Variants in TRIM2 observed in about 807,000 individuals in gnomAD.
The protein encoded by TRIM2 is tripartite motif-containing protein 2.
A neutral mutation model predicts 75.2 loss-of-function variants in TRIM2; 20 were observed. The observed-to-expected ratio is 0.27, with a 90% CI of 0.19 to 0.39. TRIM2 has a LOEUF of 0.39. Among genes scored for constraint, TRIM2 ranks in the 10% least tolerant of loss-of-function variants. The probability of loss-of-function intolerance (pLI) is 1.00; values close to 1 mark genes in which losing one functional copy is unlikely to be tolerated. For synonymous variants in TRIM2, 373 were observed against 388.3 expected, an observed-to-expected ratio of 0.96 and a Z score of 0.46; for missense variants, 660 against 990.8, an observed-to-expected ratio of 0.67 and a Z score of 4.48.
rs182531114 is a variant in TRIM2, at chr4:153,206,787, C to T, written c.30+2227C>T. Among the ~76,000 whole-genome samples, 241 of 152,314 alleles carry T rather than the reference C, an allele frequency of 1.6e-3. 1 individual carries two copies. The highest frequency in any genetic ancestry group is 7.7e-3 in the South Asian group (37 of 4,816). ...CTTGGTTCCCCTGGCAACCAGCCCC[C>T]TCCAGAGGCAATCTGGGAGCCCTCA... is the stretch of plus-strand genomic sequence containing the variant. On this transcript the variant is annotated intron_variant, in intron 1 of 11. Coordinates refer to ENST00000338700, the MANE Select transcript of TRIM2 (RefSeq NM_015271.5).
At chr4:153,300,102 C>T in intron 6 of TRIM2, among the ~76,000 whole-genome samples, 1 of 152,196 alleles carries the variant, frequency 6.6e-6, no homozygotes, top group African/African-American at 2.4e-5. Flanking sequence ...GATATATACC[C>T]AGTACTGGGA....
At position 153,244,349 on chromosome 4, in the gene TRIM2, T is replaced by C. The variant is rs866122839; in HGVS notation, c.31-25986T>C. Among the ~76,000 whole-genome samples, 83 of 30,464 alleles carry C rather than the reference T, an allele frequency of 2.7e-3. 6 individuals are homozygous for C. The highest frequency in any genetic ancestry group is 0.013 in the Middle Eastern group (1 of 76). 20.0% of individuals were successfully genotyped at this position (30,464 alleles called of 152,430 possible). On this transcript the variant is annotated intron_variant, in intron 1 of 11. Transcript: ENST00000338700. The stretch of plus-strand genomic sequence containing the variant: ...CTTCTTCTTCTTCTTCTTCTTCTTC[T>C]TCTTCCTCTTCTTCTTCTTCTTCTT...
intron 1 of TRIM2, among the ~76,000 whole-genome samples, chr4:153,154,723 T>C (rs1729063893): frequency 6.6e-6 from 1 of 152,242 alleles, no homozygotes; most frequent in Non-Finnish European, 1.5e-5. Flanking sequence ...CAATTGCTTG[T>C]ACACACATGG....
intron 6 of TRIM2, among the ~76,000 whole-genome samples, chr4:153,306,197 G>A (rs1764966211): frequency 6.6e-6 from 1 of 151,864 alleles, no homozygotes; most frequent in Non-Finnish European, 1.5e-5. Context: ...ATATGACTTA[G>A]GGGAAATTAT....
chr4:153,303,062 C>T (rs1239104068), intron 6 of TRIM2, among the ~76,000 whole-genome samples: 2 of 152,198 alleles, frequency 1.3e-5, no homozygotes, highest in African/African-American at 2.4e-5. Context: ...CACATTCACA[C>T]GCATGGGACT....
intron 8 of TRIM2, among the ~76,000 whole-genome samples, chr4:153,319,413 C>T (rs1371747497): frequency 6.6e-6 from 1 of 152,102 alleles, no homozygotes; most frequent in Admixed American, 6.6e-5. Context: ...CCTGATTAAA[C>T]CATTCCAAAG....
At chr4:153,167,530 G>A (rs13123047) in intron 1 of TRIM2, among the ~76,000 whole-genome samples, 65,948 of 152,002 alleles carry the variant, frequency 0.43, 15,688 homozygotes, top group Non-Finnish European at 0.55. Flanking sequence ...AAGAAACAAT[G>A]TTTATTTTGA....
At chr4:153,323,001 C>T (rs764108621) in intron 9 of TRIM2, among the ~76,000 whole-genome samples, 185 bp downstream of exon 9, 3 of 152,140 alleles carry the variant, frequency 2.0e-5, no homozygotes, top group East Asian at 3.8e-4. Flanking sequence ...GCCACCCACC[C>T]GGCAGTAAGT....
chr4:153,186,121 C>T (rs1288597600), intron 1 of TRIM2, among the ~76,000 whole-genome samples: 1 of 152,138 alleles, frequency 6.6e-6, no homozygotes, highest in Non-Finnish European at 1.5e-5. Context: ...TCCTGCAATG[C>T]ACAGCACAGA....
At chr4:153,218,680 A>G (rs1739145974) in intron 1 of TRIM2, among the ~76,000 whole-genome samples, 1 of 151,954 alleles carries the variant, frequency 6.6e-6, no homozygotes, top group Non-Finnish European at 1.5e-5. Flanking sequence ...GTGCTCTCTC[A>G]TTTTTCTGTG....
intron 6 of TRIM2, among the ~76,000 whole-genome samples, chr4:153,314,419 CAAAAAAAAAAAAAAA>C (rs58410286): frequency 6.8e-5 from 4 of 58,884 alleles, no homozygotes; most frequent in African/African-American, 2.6e-4. Flanking sequence ...GACTCCGTCT[CAAAAAAAAAAAAAAA>C]AAAAAAAAAG....
intron 1 of TRIM2, among the ~76,000 whole-genome samples, chr4:153,181,044 G>A (rs1350627668): frequency 6.6e-6 from 1 of 152,210 alleles, no homozygotes; most frequent in Admixed American, 6.5e-5. Context: ...GAAGGGCTGA[G>A]GAGTGGGACC....
intron 6 of TRIM2, among the ~76,000 whole-genome samples, chr4:153,297,495 A>C (rs1474659325): frequency 6.6e-6 from 1 of 152,252 alleles, no homozygotes; most frequent in Non-Finnish European, 1.5e-5. Context: ...CCTGACATGT[A>C]GGAGGAGCTA....
At chr4:153,294,603 A>G (rs930522188) in intron 5 of TRIM2, 118 bp downstream of exon 5, 2 of 1,068,950 alleles carry the variant, frequency 1.9e-6, no homozygotes, top group East Asian at 2.7e-5. Context: ...AGTAAACTAT[A>G]GTTTTCACTG....
intron 1 of TRIM2, among the ~76,000 whole-genome samples, chr4:153,238,476 T>C (rs1270246290): frequency 6.6e-6 from 1 of 152,190 alleles, no homozygotes; most frequent in African/African-American, 2.4e-5. Flanking sequence ...AATTGACTTC[T>C]AAGTACTTTT....
intron 6 of TRIM2, among the ~76,000 whole-genome samples, chr4:153,296,670 C>G (rs1254715182): frequency 6.6e-6 from 1 of 152,134 alleles, no homozygotes; most frequent in Non-Finnish European, 1.5e-5. Flanking sequence ...ACCCGATGAG[C>G]CAAGAGAGTT....
upstream of TRIM2, among the ~76,000 whole-genome samples, chr4:153,203,756 G>A (rs1226243137): frequency 6.6e-6 from 1 of 152,014 alleles, no homozygotes; most frequent in Non-Finnish European, 1.5e-5. Flanking sequence ...ACCAGGTGTG[G>A]TGGTGCATTC....
At chr4:153,204,161 C>T (rs1353428478), upstream of TRIM2, among the ~76,000 whole-genome samples, 1 of 152,194 alleles carries the variant, frequency 6.6e-6, no homozygotes, top group East Asian at 1.9e-4. Flanking sequence ...TGTGTGCAGT[C>T]TACAAACACT....
In TRIM2 at chr4:153,325,382, C is replaced by T. The variant is rs1296995077; in HGVS notation, c.2022+1234C>T. Among the ~76,000 whole-genome samples the T allele has an allele frequency of 2.0e-5, 3 of 152,172 alleles. No homozygotes were observed. The East Asian group carries it at 5.8e-4, about 29-fold the overall frequency. ...GCTCACATGGTGGCATAGGTCCCCC[C>T]TACACTCAAATGCAGATAATCTGCA... is the stretch of plus-strand genomic sequence containing the variant. On this transcript the variant is annotated intron_variant, in intron 10 of 11. Transcript: ENST00000338700.
Sources: gnomAD v4.1 joint callset for allele counts (sites outside exome capture counted in the v4.1 genomes callset) on GRCh38, gnomAD v4.1.1 for gene constraint, MANE v1.5 for transcripts, NCBI Gene and HGNC (gene_info 2026-07-23, HGNC 2026-07-21) for gene names.